Variants in PCDHA8 observed in about 807,000 individuals in gnomAD.
PCDHA8 encodes protocadherin alpha-8.
A neutral mutation model predicts 61.8 loss-of-function variants in PCDHA8; 53 were observed. That is an observed-to-expected ratio of 0.86 (90% CI 0.69 to 1.08). PCDHA8 has a LOEUF of 1.08. Among genes scored for constraint, PCDHA8 ranks in the 50% least tolerant of loss-of-function variants. PCDHA8 has a pLI of 0.00. For missense variants in PCDHA8, 1,293 were observed against 1,245.0 expected (o/e 1.04, Z -0.58); for synonymous variants, 618 against 556.6 (o/e 1.11, Z -1.55).
intron 1 of PCDHA8, among the ~76,000 whole-genome samples, chr5:140,939,170 A>G (rs1554212590): frequency 2.0e-5 from 3 of 152,136 alleles, no homozygotes; most frequent in Admixed American, 1.3e-4. Context: ...GTGTCTGGTA[A>G]TGGCCCACTC....
At position 140,946,014 on chromosome 5, in the gene PCDHA8, C is replaced by T. The variant is rs116323983; in HGVS notation, c.2395-32935C>T. On this transcript the variant is annotated intron_variant, in intron 1 of 3. Coordinates refer to ENST00000531613, the MANE Select transcript of PCDHA8 (RefSeq NM_018911.3). ...ATTGCATCAAACTAAAAAGCTCCTG[C>T]GCAGCAAAGAAAACAAGAGTGAAGG... Among the ~76,000 whole-genome samples, 849 of 151,986 alleles carry T rather than the reference C, an allele frequency of 5.6e-3. 7 individuals carry two copies. The highest frequency in any genetic ancestry group is 0.02 in the African/African-American group (814 of 41,504).
rs2150362370 is a variant in PCDHA8, at chr5:140,843,543, G to A, written c.2222G>A (p.Cys741Tyr). Residue 741 changes from cysteine to tyrosine, a missense_variant, in exon 1 of 4, where the codon TGC (cysteine) becomes TAC (tyrosine). By Grantham distance (194) the Cys-to-Tyr change is radical. Transcript: ENST00000531613. ...GCRAGKPTLVCSSAVGSWSYS... is the reference protein window; with the variant it reads ...GCRAGKPTLVYSSAVGSWSYS... The stretch of plus-strand genomic sequence containing the variant: ...CGGGCGGGCAAGCCCACTCTGGTGT[G>A]CTCCAGTGCGGTGGGGAGCTGGTCA... The A allele has an allele frequency of 6.3e-7, 1 of 1,595,904 alleles. No individual in the cohort carries two copies. Among genetic ancestry groups the A allele is most frequent in the Non-Finnish European group, 8.6e-7 (1 of 1,165,532 alleles).
At chr5:140,935,598 G>A (rs540310470) in intron 1 of PCDHA8, among the ~76,000 whole-genome samples, 5 of 152,148 alleles carry the variant, frequency 3.3e-5, no homozygotes, top group Admixed American at 6.5e-5. Context: ...TAGATACAGA[G>A]CTAGGCTTTT....
chr5:140,999,654 C>A (rs180994815), intron 3 of PCDHA8, among the ~76,000 whole-genome samples: 1 of 152,122 alleles, frequency 6.6e-6, no homozygotes, highest in South Asian at 2.1e-4. Flanking sequence ...AGCCTGAGCC[C>A]TGCTGGGTTG....
chr5:140,906,593 T>C (rs2072768257), intron 1 of PCDHA8, among the ~76,000 whole-genome samples: 1 of 152,242 alleles, frequency 6.6e-6, no homozygotes, highest in Admixed American at 6.5e-5. Flanking sequence ...TACCTTCCTC[T>C]ACTACTCATT....
intron 1 of PCDHA8, chr5:140,929,483 G>A: frequency 8.4e-7 from 1 of 1,192,950 alleles, no homozygotes; most frequent in Non-Finnish European, 1.1e-6. Context: ...AAGTATAGAA[G>A]TATTAGAAGA....
chr5:140,877,037 C>T lies in PCDHA8; in HGVS notation c.2394+33322C>T, dbSNP rs782624599. ...AGCGGCAAGGTGTACGCGCTGCAGC[C>T]GCTAGACCACGAGGAGCTGGAGCTG... On this transcript the variant is annotated intron_variant, in intron 1 of 3. Transcript: ENST00000531613. 6.8e-6 allele frequency: 11 copies of T among 1,612,374 alleles called. No individual in the cohort carries two copies. Among genetic ancestry groups the T allele is most frequent in the Admixed American group, 5.0e-5 (3 of 59,998 alleles).
At position 140,841,557 on chromosome 5, in the gene PCDHA8, T is replaced by A. The variant is rs2150318209; in HGVS notation, c.236T>A (p.Leu79Gln). The change falls in exon 1 of 4, where the codon CTG becomes CAG. Residue 79 changes from leucine to glutamine, a missense_variant. Coordinates refer to ENST00000531613, the MANE Select transcript of PCDHA8 (RefSeq NM_018911.3). The stretch of plus-strand genomic sequence containing the variant: ...CACCGGGACCTTCTGGAGGTAAGTC[T>A]GCAGAATGGCATTTTGTTTGTGAAT... ...KRHRDLLEVS[L>Q]QNGILFVNSR... is the part of the protein sequence containing the mutation. The A allele has an allele frequency of 2.5e-6, 4 of 1,613,864 alleles. No individual in the cohort carries two copies. The East Asian group carries it at 8.9e-5, about 36-fold the overall frequency.
intron 1 of PCDHA8, among the ~76,000 whole-genome samples, chr5:140,971,037 TA>T (rs2096453416): frequency 1.3e-5 from 2 of 152,200 alleles, no homozygotes; most frequent in Admixed American, 6.5e-5. Context: ...TGAAAGCACG[TA>T]AAAGGGTTTA....
At chr5:140,903,695 A>G (rs1325722558) in intron 1 of PCDHA8, among the ~76,000 whole-genome samples, 9 of 152,238 alleles carry the variant, frequency 5.9e-5, no homozygotes, top group African/African-American at 1.7e-4. Flanking sequence ...AATAGTTTAA[A>G]ATAGTAATAA....
At chr5:140,921,967 G>GA (rs2080533534) in intron 1 of PCDHA8, among the ~76,000 whole-genome samples, 1 of 151,284 alleles carries the variant, frequency 6.6e-6, no homozygotes, top group Non-Finnish European at 1.5e-5. Context: ...AAAACCAAAG[G>GA]AAAAAATAGA....
chr5:140,881,106 C>T (rs1233394839), intron 1 of PCDHA8, among the ~76,000 whole-genome samples: 1 of 152,114 alleles, frequency 6.6e-6, no homozygotes, highest in Non-Finnish European at 1.5e-5. Context: ...CACCATTTGG[C>T]CTGGGATTTT....
intron 1 of PCDHA8, chr5:140,858,292 C>T (rs1554151391): frequency 6.3e-7 from 1 of 1,597,508 alleles, no homozygotes; most frequent in East Asian, 2.2e-5. Context: ...GCTGGTCTTA[C>T]TCGCAGCAGA....
chr5:140,921,212 C>T lies in PCDHA8; in HGVS notation c.2395-57737C>T, dbSNP rs78827164. On this transcript the variant is annotated intron_variant, in intron 1 of 3. Coordinates refer to ENST00000531613, the MANE Select transcript of PCDHA8 (RefSeq NM_018911.3). ...ACAATAGATTGACAACGATAATTCA[C>T]GTCTTTTTTGCTAGATGATATTAAG... is the stretch of plus-strand genomic sequence containing the variant. Among the ~76,000 whole-genome samples the T allele has an allele frequency of 3.7e-3, 555 of 152,020 alleles. 3 individuals carry two copies. Among genetic ancestry groups the T allele is most frequent in the Non-Finnish European group, 5.8e-3 (395 of 67,980 alleles).
chr5:140,926,885 GAGGGA>G (rs782449015), intron 1 of PCDHA8: 1 of 1,543,482 alleles, frequency 6.5e-7, no homozygotes, highest in Non-Finnish European at 8.7e-7. Context: ...TGGACGCCTA[GAGGGA>G]GGATGGTGGG....
rs1428126460 is a variant in PCDHA8 at position 140,848,665 on chromosome 5, C to T, written c.2394+4950C>T. On this transcript the variant is annotated intron_variant, in intron 1 of 3. Coordinates refer to ENST00000531613, the MANE Select transcript of PCDHA8 (RefSeq NM_018911.3). ...GCGCAGGACCTGGGGCTGGAGCTGG[C>T]GGAGCTGGTGCCGCGCCTGTTCCAG... 1.9e-6 allele frequency: 3 copies of T among 1,592,226 alleles called. 1 individual carries two copies. The highest frequency in any genetic ancestry group is 2.6e-6 in the Non-Finnish European group (3 of 1,163,404).
intron 1 of PCDHA8, among the ~76,000 whole-genome samples, chr5:140,974,338 A>G (rs1554235945): frequency 6.6e-6 from 1 of 152,212 alleles, no homozygotes; most frequent in Non-Finnish European, 1.5e-5. Flanking sequence ...CTAGCAGGCT[A>G]TGCATCCAGA....
intron 3 of PCDHA8, among the ~76,000 whole-genome samples, chr5:140,989,205 C>G (rs750885432): frequency 6.6e-6 from 1 of 152,192 alleles, no homozygotes; most frequent in Admixed American, 6.5e-5. Flanking sequence ...TTCTAGCTTT[C>G]TTTATACACC....
At chr5:140,922,107 T>C (rs1250364037) in intron 1 of PCDHA8, among the ~76,000 whole-genome samples, 1 of 152,028 alleles carries the variant, frequency 6.6e-6, no homozygotes, top group East Asian at 1.9e-4. Context: ...TATAGATAAA[T>C]GAAAATTCAC....
Sources: gnomAD v4.1 joint callset for allele counts (sites outside exome capture counted in the v4.1 genomes callset) on GRCh38, gnomAD v4.1.1 for gene constraint, MANE v1.5 for transcripts, NCBI Gene and HGNC (gene_info 2026-07-23, HGNC 2026-07-21) for gene names.